Variants in PCDHA3 observed in about 807,000 individuals in gnomAD.
PCDHA3 encodes protocadherin alpha 3.
PCDHA3 carries 41 observed loss-of-function variants against 62.2 expected under a neutral mutation model. That is an observed-to-expected ratio of 0.66 (90% CI 0.51 to 0.86). PCDHA3 has a LOEUF of 0.86. PCDHA3 is among the 40% of genes least tolerant of loss of function. The pLI, the probability that PCDHA3 is intolerant of heterozygous loss-of-function variation, is 0.00. For missense variants in PCDHA3, 1,304 were observed against 1,241.2 expected, an observed-to-expected ratio of 1.05 and a Z score of -0.76; for synonymous variants, 640 against 555.4, an observed-to-expected ratio of 1.15 and a Z score of -2.14.
intron 1 of PCDHA3, chr5:140,848,481 GAC>G: frequency 6.4e-7 from 1 of 1,570,506 alleles, no homozygotes; most frequent in East Asian, 2.2e-5. Flanking sequence ...ATTAGAAGAA[GAC>G]TGAGTATTTG....
At chr5:140,950,131 C>G (rs1030150193) in intron 1 of PCDHA3, among the ~76,000 whole-genome samples, 6 of 151,858 alleles carry the variant, frequency 4.0e-5, no homozygotes, top group Non-Finnish European at 7.4e-5. Flanking sequence ...CCACAAGACA[C>G]AGTTATAATT....
intron 2 of PCDHA3, 164 bp downstream of exon 2, chr5:140,979,171 C>T (rs1586797637): frequency 4.2e-6 from 4 of 960,866 alleles, no homozygotes; most frequent in South Asian, 4.8e-5. Context: ...CTTGAAAGAT[C>T]GCAAATGGTC....
intron 3 of PCDHA3, among the ~76,000 whole-genome samples, chr5:141,006,404 G>T (rs1001810745): frequency 6.6e-6 from 1 of 151,938 alleles, no homozygotes; most frequent in Admixed American, 6.6e-5. Flanking sequence ...TAGTAGAGAC[G>T]CGGTTTCACT....
intron 1 of PCDHA3, chr5:140,804,821 G>T (rs543523622): frequency 1.4e-5 from 5 of 370,086 alleles, no homozygotes; most frequent in Non-Finnish European, 2.4e-5. Flanking sequence ...ACTGAAACCT[G>T]GTTAATACTC....
chr5:140,828,801 A>G lies in PCDHA3; in HGVS notation c.2394+25210A>G, dbSNP rs147769613. On this transcript the variant is annotated intron_variant, in intron 1 of 3. Transcript: ENST00000522353. ...CTGGTCACAGTGCTGGATGTGAATG[A>G]TAATGCTCCCACTTTCGAACAGTCT... 2.8e-4 allele frequency: 458 copies of G among 1,614,124 alleles called. No homozygotes were observed. Among genetic ancestry groups the G allele is most frequent in the Non-Finnish European group, 3.7e-4 (435 of 1,180,046 alleles).
intron 3 of PCDHA3, among the ~76,000 whole-genome samples, chr5:140,984,016 T>G (rs2153832874): frequency 6.6e-6 from 1 of 152,280 alleles, no homozygotes; most frequent in Non-Finnish European, 1.5e-5. Context: ...TATTGCCAGA[T>G]TGCAAGGGGA....
chr5:140,870,552 G>A, intron 1 of PCDHA3: 2 of 1,614,042 alleles, frequency 1.2e-6, no homozygotes, highest in Non-Finnish European at 1.7e-6. Context: ...ACGCGGACGC[G>A]CAGGAGAACG....
At chr5:140,941,424 C>A (rs909959554) in intron 1 of PCDHA3, among the ~76,000 whole-genome samples, 2 of 148,790 alleles carry the variant, frequency 1.3e-5, no homozygotes, top group African/African-American at 5.0e-5. Flanking sequence ...TCAAGCAATT[C>A]TCTGCCTCAG....
intron 1 of PCDHA3, among the ~76,000 whole-genome samples, chr5:140,846,724 A>G (rs1780644299): frequency 6.7e-6 from 1 of 149,338 alleles, no homozygotes; most frequent in Admixed American, 6.7e-5. Context: ...AGTCTTCATT[A>G]AACATTAAAT....
At chr5:140,957,799 TA>T (rs1430681763) in intron 1 of PCDHA3, among the ~76,000 whole-genome samples, 2 of 152,032 alleles carry the variant, frequency 1.3e-5, no homozygotes, top group African/African-American at 2.4e-5. Context: ...ATATGTTAAG[TA>T]AAAAAAAGTC....
At chr5:140,968,211 A>G (rs1039283745) in intron 1 of PCDHA3, 1 of 1,614,002 alleles carries the variant, frequency 6.2e-7, no homozygotes. Context: ...CAGGAGAACA[A>G]TTTGCCAGGT....
intron 1 of PCDHA3, chr5:140,927,894 C>A (rs372774238): frequency 1.2e-6 from 2 of 1,614,208 alleles, no homozygotes; most frequent in East Asian, 2.2e-5. Context: ...CTGACGTGAA[C>A]GATCATGCCC....
At chr5:140,985,577 G>A (rs1265916995) in intron 3 of PCDHA3, among the ~76,000 whole-genome samples, 1 of 152,116 alleles carries the variant, frequency 6.6e-6, no homozygotes, top group Non-Finnish European at 1.5e-5. Flanking sequence ...TGGTGCCTAA[G>A]CCTCCTTATA....
chr5:140,848,811 C>T (rs2150421189), intron 1 of PCDHA3: 1 of 1,591,760 alleles, frequency 6.3e-7, no homozygotes, highest in Non-Finnish European at 8.6e-7. Flanking sequence ...CAGCATCCAC[C>T]TGGAGGTGAT....
intron 1 of PCDHA3, chr5:140,867,710 G>A (rs2050114623): frequency 6.6e-6 from 1 of 151,674 alleles, no homozygotes; most frequent in Non-Finnish European, 1.5e-5. Context: ...AAATCCTAAG[G>A]GTATATGAAA....
intron 1 of PCDHA3, chr5:140,856,750 C>G (rs1554149043): frequency 6.3e-7 from 1 of 1,596,268 alleles, no homozygotes; most frequent in African/African-American, 1.3e-5. Context: ...TGTTAGATGC[C>G]AATGATAACG....
At chr5:140,980,553 C>G (rs1554241953) in intron 2 of PCDHA3, among the ~76,000 whole-genome samples, 1 of 152,062 alleles carries the variant, frequency 6.6e-6, no homozygotes, top group Admixed American at 6.6e-5. Context: ...TCGCTTGAAC[C>G]CGGGAGGCGG....
At chr5:140,898,100 G>C (rs1273803096) in intron 1 of PCDHA3, among the ~76,000 whole-genome samples, 2 of 152,132 alleles carry the variant, frequency 1.3e-5, no homozygotes, top group African/African-American at 4.8e-5. Flanking sequence ...CCCTTTGTCA[G>C]ATGAGTAGGT....
chr5:140,909,837 A>G (rs1385622846), intron 1 of PCDHA3, among the ~76,000 whole-genome samples: 3 of 152,190 alleles, frequency 2.0e-5, no homozygotes, highest in Non-Finnish European at 4.4e-5. Context: ...CTGGAGGACC[A>G]CCAGGACGTT....
Sources: gnomAD v4.1 joint callset for allele counts (sites outside exome capture counted in the v4.1 genomes callset) on GRCh38, gnomAD v4.1.1 for gene constraint, MANE v1.5 for transcripts, NCBI Gene and HGNC (gene_info 2026-07-23, HGNC 2026-07-21) for gene names.